LOC128092253: variants seen among roughly 807,000 people sequenced by gnomAD.
At chr6:133,973,650 A>T in the LOC128092253 span, among the ~76,000 whole-genome samples, 8 of 152,216 alleles carry the variant, frequency 5.3e-5, no homozygotes, top group African/African-American at 1.9e-4. Context: ...TAGAAAGAGG[A>T]CCAAAAATAC....
the LOC128092253 span, among the ~76,000 whole-genome samples, chr6:133,971,715 G>A: frequency 1.3e-5 from 2 of 151,900 alleles, no homozygotes; most frequent in African/African-American, 2.4e-5. Context: ...TATACCTGTT[G>A]GCCATTGGTA....
At chr6:133,959,125 G>T in the LOC128092253 span, among the ~76,000 whole-genome samples, 3 of 151,884 alleles carry the variant, frequency 2.0e-5, no homozygotes, top group South Asian at 6.2e-4. Context: ...TTGCAACTTC[G>T]GCTTCCCAGG....
At chr6:133,978,133 T>A in the LOC128092253 span, among the ~76,000 whole-genome samples, 48 of 152,278 alleles carry the variant, frequency 3.2e-4, no homozygotes, top group South Asian at 9.5e-3. Context: ...GAATGGATGT[T>A]GGGGTAAGCA....
chr6:133,960,368 T>G, the LOC128092253 span, among the ~76,000 whole-genome samples: 25 of 151,552 alleles, frequency 1.6e-4, no homozygotes, highest in East Asian at 4.8e-3. Context: ...ATATTGCTAA[T>G]GGAAATCTGT....
At chr6:133,965,279 G>A in the LOC128092253 span, among the ~76,000 whole-genome samples, 1 of 152,034 alleles carries the variant, frequency 6.6e-6, no homozygotes, top group Non-Finnish European at 1.5e-5. Flanking sequence ...TAAAATTATA[G>A]TCCGTAATAT....
the LOC128092253 span, among the ~76,000 whole-genome samples, chr6:133,978,239 T>G: frequency 6.6e-6 from 1 of 152,360 alleles, no homozygotes; most frequent in East Asian, 1.9e-4. Flanking sequence ...ATCCTCTGCC[T>G]GTTGATTTGA....
At chr6:133,962,115 T>A in the LOC128092253 span, among the ~76,000 whole-genome samples, 1,548 of 152,242 alleles carry the variant, frequency 0.01, 14 homozygotes, top group South Asian at 0.014. Flanking sequence ...GGAAGAGGAA[T>A]GGTGTAAAGC....
At chr6:133,968,135 C>T in the LOC128092253 span, among the ~76,000 whole-genome samples, 15 of 151,850 alleles carry the variant, frequency 9.9e-5, no homozygotes, top group African/African-American at 2.9e-4. Flanking sequence ...ACTACAGGCG[C>T]GTGCCACCAC....
the LOC128092253 span, among the ~76,000 whole-genome samples, chr6:133,978,783 A>G: frequency 6.6e-6 from 1 of 152,204 alleles, no homozygotes; most frequent in Non-Finnish European, 1.5e-5. Flanking sequence ...AGGCAGAGAA[A>G]CAAGACCTTC....
the LOC128092253 span, among the ~76,000 whole-genome samples, chr6:133,968,209 G>C: frequency 6.6e-6 from 1 of 151,892 alleles, no homozygotes; most frequent in Non-Finnish European, 1.5e-5. Context: ...GGATGATCTC[G>C]ATCTCTTGAC....
At chr6:133,954,824 A>T in the LOC128092253 span, among the ~76,000 whole-genome samples, 6 of 152,276 alleles carry the variant, frequency 3.9e-5, no homozygotes, top group East Asian at 1.2e-3. Context: ...AATCAGTATC[A>T]GAAACTCTAG....
the LOC128092253 span, among the ~76,000 whole-genome samples, chr6:133,960,410 T>A: frequency 6.7e-6 from 1 of 149,316 alleles, no homozygotes; most frequent in Non-Finnish European, 1.5e-5. Flanking sequence ...AGCCTTTGGC[T>A]GACCAGCCTT....
chr6:133,965,607 G>A, the LOC128092253 span, among the ~76,000 whole-genome samples: 4 of 150,062 alleles, frequency 2.7e-5, no homozygotes, highest in Non-Finnish European at 4.4e-5. Context: ...TTGGAGTTTT[G>A]TGGGTTTTTT....
At chr6:133,955,051 A>AG in the LOC128092253 span, among the ~76,000 whole-genome samples, 1 of 152,126 alleles carries the variant, frequency 6.6e-6, no homozygotes, top group African/African-American at 2.4e-5. Context: ...ATTAAGAAGA[A>AG]AAAGATAGAT....
At chr6:133,968,011 CTTTT>C in the LOC128092253 span, among the ~76,000 whole-genome samples, 2 of 136,068 alleles carry the variant, frequency 1.5e-5, no homozygotes, top group Non-Finnish European at 1.6e-5. Flanking sequence ...TGACTATTTT[CTTTT>C]TTTTTTTTTT....
At chr6:133,969,251 CTTTTTTTTTT>C in the LOC128092253 span, among the ~76,000 whole-genome samples, 2 of 122,608 alleles carry the variant, frequency 1.6e-5, no homozygotes, top group Non-Finnish European at 3.4e-5. Context: ...ATAAAATACA[CTTTTTTTTTT>C]TTTTTTTTTT....
chr6:133,965,036 A>G, the LOC128092253 span, among the ~76,000 whole-genome samples: 3 of 152,194 alleles, frequency 2.0e-5, no homozygotes, highest in African/African-American at 7.2e-5. Flanking sequence ...GAGAGGCTTG[A>G]TCTTGATGCA....
the LOC128092253 span, among the ~76,000 whole-genome samples, chr6:133,973,239 G>A: frequency 8.5e-5 from 13 of 152,206 alleles, no homozygotes; most frequent in Non-Finnish European, 1.3e-4. Context: ...AGGAGACCAT[G>A]TGGGTTCCTA....
chr6:133,959,404 A>G, the LOC128092253 span, among the ~76,000 whole-genome samples: 12,039 of 152,206 alleles, frequency 0.079, 461 homozygotes, highest in Admixed American at 0.085. Context: ...ATAGTCCACA[A>G]TAAAACTTGC....
Sources: allele counts gnomAD v4.1 joint callset (sites outside exome capture counted in the v4.1 genomes callset), GRCh38; gene constraint gnomAD v4.1.1; transcripts MANE v1.5.